Variants in MSI2 observed in about 807,000 individuals in gnomAD.
MSI2 encodes RNA-binding protein Musashi homolog 2.
MSI2 carries 17 observed loss-of-function variants against 45.6 expected under a neutral mutation model. That is an observed-to-expected ratio of 0.37 (90% CI 0.26 to 0.56). The LOEUF (loss-of-function observed/expected upper bound fraction) is 0.56. Among genes scored for constraint, MSI2 ranks in the 20% least tolerant of loss-of-function variants. The pLI is 0.77. For missense variants in MSI2, 293 were observed against 444.2 expected, an observed-to-expected ratio of 0.66 and a Z score of 3.06; for synonymous variants, 156 against 158.2, an observed-to-expected ratio of 0.99 and a Z score of 0.11.
At chr17:57,486,982 T>G (rs758742829) in intron 6 of MSI2, among the ~76,000 whole-genome samples, 1 of 152,012 alleles carries the variant, frequency 6.6e-6, no homozygotes, top group Non-Finnish European at 1.5e-5. Flanking sequence ...GCTTTGGGAT[T>G]GTAAAAGAGA....
At chr17:57,473,034 A>C (rs1024904404) in intron 6 of MSI2, among the ~76,000 whole-genome samples, 5 of 58,192 alleles carry the variant, frequency 8.6e-5, no homozygotes, top group Non-Finnish European at 2.2e-4. Context: ...CTGGGATTAC[A>C]GGCGCCTGAC....
intron 13 of MSI2, among the ~76,000 whole-genome samples, chr17:57,677,277 ACTCT>A (rs1202467259): frequency 2.0e-5 from 3 of 148,426 alleles, no homozygotes; most frequent in African/African-American, 5.0e-5. Flanking sequence ...CACCTTTTTG[ACTCT>A]CTCTCTTTTT....
At chr17:57,405,275 C>G (rs2084062322) in intron 6 of MSI2, among the ~76,000 whole-genome samples, 1 of 152,226 alleles carries the variant, frequency 6.6e-6, no homozygotes, top group Non-Finnish European at 1.5e-5. Context: ...CAGCTACTCA[C>G]TTCTGCTCTT....
At chr17:57,687,015 C>CA (rs914829495), downstream of MSI2, among the ~76,000 whole-genome samples, 742 of 146,138 alleles carry the variant, frequency 5.1e-3, 8 homozygotes, top group African/African-American at 0.015. Flanking sequence ...GCCCCCCCCC[C>CA]AAAAAATTTT....
intron 8 of MSI2, among the ~76,000 whole-genome samples, chr17:57,615,090 C>T (rs1598453775): frequency 1.3e-5 from 2 of 151,032 alleles, no homozygotes; most frequent in African/African-American, 4.9e-5. Flanking sequence ...AGGCCTGAAC[C>T]TGTTGGGGAG....
At chr17:57,295,934 T>C (rs1910887943) in intron 5 of MSI2, among the ~76,000 whole-genome samples, 1 of 147,386 alleles carries the variant, frequency 6.8e-6, no homozygotes, top group South Asian at 2.2e-4. Context: ...AAGAATCTCA[T>C]GCTCAGAGGA....
intron 6 of MSI2, chr17:57,449,246 A>T (rs531660915): frequency 6.6e-6 from 1 of 152,396 alleles, no homozygotes; most frequent in Admixed American, 6.5e-5. Flanking sequence ...CTTTGGAAGG[A>T]TGGAGCTGCC....
At chr17:57,345,446 A>G (rs1915521548) in intron 5 of MSI2, among the ~76,000 whole-genome samples, 1 of 152,176 alleles carries the variant, frequency 6.6e-6, no homozygotes, top group Non-Finnish European at 1.5e-5. Context: ...TGTAAAGATA[A>G]ACAGATATAT....
chr17:57,401,248 G>A (rs900983477), intron 5 of MSI2, 131 bp from the exon 6 acceptor site: 28 of 714,336 alleles, frequency 3.9e-5, no homozygotes, highest in African/African-American at 3.3e-4. Flanking sequence ...AAACGCCCGC[G>A]CCATGCAGCT....
At chr17:57,403,932 T>TGTGC (rs1035113055) in intron 6 of MSI2, among the ~76,000 whole-genome samples, 1 of 121,752 alleles carries the variant, frequency 8.2e-6, no homozygotes, top group Non-Finnish European at 1.6e-5. Context: ...AGAATGAATG[T>TGTGC]GCACACACAC....
At chr17:57,277,011 A>T (rs1908910796) in intron 5 of MSI2, among the ~76,000 whole-genome samples, 1 of 141,210 alleles carries the variant, frequency 7.1e-6, no homozygotes, top group South Asian at 2.3e-4. Context: ...CATGTTAGGG[A>T]CCTTTCTTCT....
At chr17:57,329,485 C>T (rs1325238337) in intron 5 of MSI2, among the ~76,000 whole-genome samples, 2 of 152,078 alleles carry the variant, frequency 1.3e-5, no homozygotes, top group Non-Finnish European at 2.9e-5. Context: ...ACATGGTAAA[C>T]CCAAGCTCAG....
At position 57,679,889 on chromosome 17, in the gene MSI2, A is replaced by G. The variant is rs1913496353; in HGVS notation, c.*372A>G. 4.3e-6 allele frequency: 1 copy of G among 231,212 alleles called. No individual in the cohort carries two copies. Among genetic ancestry groups the G allele is most frequent in the Middle Eastern group, 1.3e-3 (1 of 776 alleles). The allele number at this position is 231,212 out of a possible 1,614,324, so 14.3% of individuals were successfully genotyped here. A position where few individuals can be genotyped will look rare whatever the true frequency, so the allele number is the denominator to read the frequency against. The stretch of plus-strand genomic sequence containing the variant: ...TTAGTCCAGTAGTCACATAGCTTTA[A>G]TATCTAGTTCAAAGCTAACCATAGT... On this transcript the variant is annotated 3_prime_UTR_variant, in exon 14 of 14. Coordinates refer to ENST00000284073, the MANE Select transcript of MSI2 (RefSeq NM_138962.4).
At chr17:57,458,139 C>T (rs1212255615) in intron 6 of MSI2, among the ~76,000 whole-genome samples, 4 of 138,232 alleles carry the variant, frequency 2.9e-5, no homozygotes, top group African/African-American at 8.4e-5. Context: ...CTCGCTCTGT[C>T]GCCCAGGCTG....
rs898184865 is a variant in MSI2 at position 57,596,222 on chromosome 17, G to A, written c.455-646G>A. ...TCTTCAGTGCAGCTTGTCTAGCAAA[G>A]CCGGTCTCCAGCAGAGTACATACAG... On this transcript the variant is annotated intron_variant, in intron 7 of 13. Coordinates refer to ENST00000284073, the MANE Select transcript of MSI2 (RefSeq NM_138962.4). The surrounding 1 kb of genome is among the most constrained non-coding windows in gnomAD (Gnocchi z 4.6). Among the ~76,000 whole-genome samples, 1 of 152,250 alleles carries A rather than the reference G, an allele frequency of 6.6e-6. No homozygotes were observed. Among genetic ancestry groups the A allele is most frequent in the African/African-American group, 2.4e-5 (1 of 41,470 alleles).
chr17:57,672,769 T>G (rs1338932230), intron 11 of MSI2, among the ~76,000 whole-genome samples: 1 of 151,634 alleles, frequency 6.6e-6, no homozygotes, highest in Non-Finnish European at 1.5e-5. Context: ...TGTCCAAGCT[T>G]CTTCTGTTTT....
Position 57,627,101 on chromosome 17 carries a change from A to T in MSI2, c.653-128A>T. ...CCAGACCCTTAATAAAAAAACCCTC[A>T]TGAGAGACAAATTATTCTGTGAAGG... On this transcript the variant is annotated intron_variant, in intron 9 of 13. Coordinates refer to ENST00000284073, the MANE Select transcript of MSI2 (RefSeq NM_138962.4). This position sits in a 1 kb window ranked among gnomAD's most constrained non-coding sequence, Gnocchi z 4.6. The T allele has an allele frequency of 2.3e-6, 2 of 883,990 alleles. No individual in the cohort carries two copies. Among genetic ancestry groups the T allele is most frequent in the South Asian group, 3.0e-5 (2 of 66,308 alleles). The allele number at this position is 883,990 out of a possible 1,614,324, so 54.8% of individuals were successfully genotyped here.
chr17:57,443,176 A>G (rs2084831764), intron 6 of MSI2, among the ~76,000 whole-genome samples: 1 of 152,140 alleles, frequency 6.6e-6, no homozygotes, highest in Non-Finnish European at 1.5e-5. Context: ...TTTTGGCTTC[A>G]GGTGACTTTG....
chr17:57,405,143 G>A (rs749318871), intron 6 of MSI2, among the ~76,000 whole-genome samples: 17 of 152,140 alleles, frequency 1.1e-4, no homozygotes, highest in Non-Finnish European at 1.8e-4. Context: ...ACCTCCCTGG[G>A]ACAGCCTGAT....
Sources: gnomAD v4.1 joint callset for allele counts (sites outside exome capture counted in the v4.1 genomes callset) on GRCh38, gnomAD v4.1.1 for gene constraint, Gnocchi (gnomAD v3.1) non-coding constraint, MANE v1.5 for transcripts, NCBI Gene and HGNC (gene_info 2026-07-23, HGNC 2026-07-21) for gene names.